CAMKMT: variants seen among roughly 807,000 people sequenced by gnomAD.
CAMKMT encodes CaM KMT.
CAMKMT carries 53 observed loss-of-function variants against 48.0 expected under a neutral mutation model. That is an observed-to-expected ratio of 1.10 (90% CI 0.89 to 1.39). The LOEUF is 1.39. CAMKMT is among the 40% of genes most tolerant of loss of function. The pLI, the probability that CAMKMT is intolerant of heterozygous loss-of-function variation, is 0.00. For synonymous variants in CAMKMT, 165 were observed against 152.3 expected, an observed-to-expected ratio of 1.08 and a Z score of -0.61; for missense variants, 428 against 402.7, an observed-to-expected ratio of 1.06 and a Z score of -0.54.
intron 3 of CAMKMT, among the ~76,000 whole-genome samples, chr2:44,573,533 T>G (rs983356213): frequency 6.6e-6 from 1 of 152,134 alleles, no homozygotes; most frequent in Non-Finnish European, 1.5e-5. Context: ...TGAAGTTTGA[T>G]TTTTTAATTT....
chr2:44,662,165 C>G (rs961583804), intron 3 of CAMKMT, among the ~76,000 whole-genome samples: 3 of 152,312 alleles, frequency 2.0e-5, no homozygotes, highest in Admixed American at 6.5e-5. Context: ...TCTGCATGAG[C>G]CTTCTCATCT....
chr2:44,387,896 T>A (rs1680931014), intron 2 of CAMKMT, among the ~76,000 whole-genome samples: 1 of 152,200 alleles, frequency 6.6e-6, no homozygotes, highest in South Asian at 2.1e-4. Flanking sequence ...TGCTGAGAAA[T>A]CTGCTGTTGA....
chr2:44,662,525 T>G (rs1674735393), intron 3 of CAMKMT, among the ~76,000 whole-genome samples: 1 of 152,234 alleles, frequency 6.6e-6, no homozygotes, highest in Non-Finnish European at 1.5e-5. Flanking sequence ...CATTCAAAAC[T>G]GAATCCATTG....
At chr2:44,694,614 C>T (rs939239960) in intron 3 of CAMKMT, among the ~76,000 whole-genome samples, 4 of 152,196 alleles carry the variant, frequency 2.6e-5, no homozygotes, top group Non-Finnish European at 4.4e-5. Context: ...ACAATAACAA[C>T]AACAAAGTGG....
chr2:44,617,397 G>A (rs1383047721), intron 3 of CAMKMT, among the ~76,000 whole-genome samples: 1 of 152,166 alleles, frequency 6.6e-6, no homozygotes, highest in Admixed American at 6.5e-5. Context: ...TTAGGTAAGG[G>A]AAGAGACCCC....
At chr2:44,673,627 T>C (rs1675493187) in intron 3 of CAMKMT, among the ~76,000 whole-genome samples, 1 of 151,950 alleles carries the variant, frequency 6.6e-6, no homozygotes, top group African/African-American at 2.4e-5. Flanking sequence ...TTGGTGGCGG[T>C]AGCTATCTAA....
chr2:44,714,604 C>T (rs536263266), intron 6 of CAMKMT, among the ~76,000 whole-genome samples: 1 of 152,172 alleles, frequency 6.6e-6, no homozygotes, highest in Non-Finnish European at 1.5e-5. Flanking sequence ...TCCCTAGCAG[C>T]ATTTAGGAGA....
At chr2:44,616,026 C>T (rs140479136) in intron 3 of CAMKMT, among the ~76,000 whole-genome samples, 266 of 152,282 alleles carry the variant, frequency 1.7e-3, no homozygotes, top group Non-Finnish European at 2.7e-3. Flanking sequence ...TCCAGCCAAC[C>T]GTGCACTTCA....
At chr2:44,674,470 A>T (rs1414419528) in intron 3 of CAMKMT, among the ~76,000 whole-genome samples, 1 of 152,196 alleles carries the variant, frequency 6.6e-6, no homozygotes, top group Admixed American at 6.5e-5. Context: ...GAAGAAAAAC[A>T]TGTATCTGAT....
rs117239704 is a variant in CAMKMT at position 44,766,255 on chromosome 2, A to G, written c.763-175A>G. 7.8e-4 allele frequency among the ~76,000 whole-genome samples: 119 copies of G among 152,334 alleles called. 2 individuals carry two copies. In the East Asian group the frequency reaches 0.02, roughly 25 times the overall value. ...TGGATGTGAAATCGATTCTTATATGATATACATCTCTCCTGGAAATTATTC... is the reference window on the plus strand; with the variant it reads ...TGGATGTGAAATCGATTCTTATATGGTATACATCTCTCCTGGAAATTATTC... On this transcript the variant is annotated intron_variant, in intron 9 of 10. Transcript: ENST00000378494.
At chr2:44,519,606 A>T (rs1380804132) in intron 3 of CAMKMT, among the ~76,000 whole-genome samples, 1 of 152,200 alleles carries the variant, frequency 6.6e-6, no homozygotes, top group Non-Finnish European at 1.5e-5. Context: ...TATCAGAAAG[A>T]CTTCAGAAAG....
intron 3 of CAMKMT, among the ~76,000 whole-genome samples, chr2:44,600,528 C>T (rs967851507): frequency 1.3e-5 from 2 of 152,074 alleles, no homozygotes; most frequent in African/African-American, 4.8e-5. Flanking sequence ...CTCAGCCTCC[C>T]AAGCACTGGG....
intron 3 of CAMKMT, among the ~76,000 whole-genome samples, chr2:44,610,730 C>T (rs1030093617): frequency 2.0e-5 from 3 of 152,074 alleles, no homozygotes; most frequent in African/African-American, 7.2e-5. Flanking sequence ...TGTGTTGAGT[C>T]TGTAGAGAAT....
At chr2:44,577,224 G>C (rs2103759346) in intron 3 of CAMKMT, among the ~76,000 whole-genome samples, 1 of 152,332 alleles carries the variant, frequency 6.6e-6, no homozygotes, top group East Asian at 1.9e-4. Context: ...TTTCAAAGGA[G>C]TGAAGGACTT....
At chr2:44,511,661 A>G (rs1234157228) in intron 3 of CAMKMT, among the ~76,000 whole-genome samples, 1 of 152,098 alleles carries the variant, frequency 6.6e-6, no homozygotes, top group Non-Finnish European at 1.5e-5. Flanking sequence ...GACTTTTGTA[A>G]ATTATCTGAA....
chr2:44,552,428 G>T (rs924870675), intron 3 of CAMKMT, among the ~76,000 whole-genome samples: 2 of 151,994 alleles, frequency 1.3e-5, no homozygotes, highest in Non-Finnish European at 2.9e-5. Flanking sequence ...TCCTAGAAAA[G>T]ATTTCTAAAA....
chr2:44,663,668 A>G (rs931402146), intron 3 of CAMKMT, among the ~76,000 whole-genome samples: 5 of 152,112 alleles, frequency 3.3e-5, no homozygotes, highest in African/African-American at 9.7e-5. Context: ...CCCAATGCCT[A>G]TTCTCATGGG....
chr2:44,565,137 A>G (rs10199825), intron 3 of CAMKMT, among the ~76,000 whole-genome samples: 95,920 of 152,074 alleles, frequency 0.63, 30,715 homozygotes, highest in Middle Eastern at 0.71. Flanking sequence ...TGCTGGCCAA[A>G]GGGACCCCCC....
At chr2:44,415,869 G>A (rs550948593) in intron 3 of CAMKMT, among the ~76,000 whole-genome samples, 25 of 152,076 alleles carry the variant, frequency 1.6e-4, no homozygotes, top group Non-Finnish European at 3.4e-4. Flanking sequence ...AAATCATGCT[G>A]TGATTCATAA....
Sources: gnomAD v4.1 joint callset for allele counts (sites outside exome capture counted in the v4.1 genomes callset) on GRCh38, gnomAD v4.1.1 for gene constraint, MANE v1.5 for transcripts, NCBI Gene and HGNC (gene_info 2026-07-23, HGNC 2026-07-21) for gene names.